The following ZXDC variants were observed in gnomAD, a reference collection of about 807,000 sequenced individuals.
ZXDC encodes the protein zinc finger protein ZXDC.
In ZXDC, 58 loss-of-function variants were observed where a neutral mutation model predicts 63.6. The observed-to-expected ratio is 0.91, with a 90% CI of 0.74 to 1.13. ZXDC has a LOEUF of 1.13. Ranked by LOEUF, ZXDC falls within the 50% of genes most tolerant of loss-of-function variation. The probability of loss-of-function intolerance (pLI) is 0.00; values close to 1 mark genes in which losing one functional copy is unlikely to be tolerated. For missense variants in ZXDC, 1,133 were observed against 1,148.9 expected (o/e 0.99, Z 0.20); for synonymous variants, 561 against 496.1 (o/e 1.13, Z -1.74).
chr3:126,438,713 CCT>C (rs1933557486), intron 9 of ZXDC, among the ~76,000 whole-genome samples: 1 of 152,344 alleles, frequency 6.6e-6, no homozygotes, highest in African/African-American at 2.4e-5. Context: ...TACCCATATG[CCT>C]TTTTACAGAA....
intron 8 of ZXDC, 115 bp downstream of exon 8, chr3:126,441,646 GGGCA>G: frequency 1.4e-6 from 2 of 1,428,810 alleles, no homozygotes; most frequent in South Asian, 1.6e-5. Flanking sequence ...GATGCACGAG[GGGCA>G]GGCAGGCAGG....
At chr3:126,467,224 C>G (rs1934807795) in intron 4 of ZXDC, among the ~76,000 whole-genome samples, 1 of 152,160 alleles carries the variant, frequency 6.6e-6, no homozygotes, top group Non-Finnish European at 1.5e-5. Flanking sequence ...GCCGCAGGAG[C>G]TGCCCAGCCA....
intron 7 of ZXDC, among the ~76,000 whole-genome samples, chr3:126,448,408 G>A (rs139828058): frequency 1.2e-3 from 181 of 152,262 alleles, no homozygotes; most frequent in African/African-American, 4.2e-3. Flanking sequence ...CACAATAGAT[G>A]AGCAACAAGG....
At chr3:126,462,771 C>T (rs1023856021) in intron 5 of ZXDC, among the ~76,000 whole-genome samples, 10 of 152,228 alleles carry the variant, frequency 6.6e-5, no homozygotes, top group East Asian at 3.9e-4. Context: ...ACCCCAAAAC[C>T]GACTGGAGCC....
chr3:126,452,830 C>T (rs553526011), intron 7 of ZXDC, among the ~76,000 whole-genome samples: 98 of 152,144 alleles, frequency 6.4e-4, no homozygotes, highest in African/African-American at 2.3e-3. Flanking sequence ...CCTCCATCTC[C>T]TGGGCTCAAG....
At chr3:126,473,709 G>C (rs1230622465) in intron 1 of ZXDC, among the ~76,000 whole-genome samples, 1 of 152,172 alleles carries the variant, frequency 6.6e-6, no homozygotes, top group Non-Finnish European at 1.5e-5. Flanking sequence ...AATAAAACCC[G>C]TTCATAATTC....
intron 7 of ZXDC, among the ~76,000 whole-genome samples, chr3:126,443,989 T>C (rs1322189710): frequency 9.2e-5 from 14 of 152,222 alleles, no homozygotes; most frequent in Admixed American, 6.5e-4. Flanking sequence ...ATATTACTTC[T>C]TGCTAGAATT....
intron 2 of ZXDC, 34 bp from the exon 3 acceptor site, chr3:126,472,085 TACAACTCCA>T: frequency 6.2e-7 from 1 of 1,609,762 alleles, no homozygotes; most frequent in Non-Finnish European, 8.5e-7. Flanking sequence ...GCATAAAATT[TACAACTCCA>T]ACAGCTACGA....
chr3:126,442,024 G>A lies in ZXDC; in HGVS notation c.2213-78C>T. Reference sequence around the variant, plus strand: ...TCTGCCCTTACCAAGGTCTCACTATGGGGAAGACAGCCTTCCCATTAATTG... The same window carrying A: ...TCTGCCCTTACCAAGGTCTCACTATAGGGAAGACAGCCTTCCCATTAATTG... On this transcript the variant is annotated intron_variant, in intron 7 of 9. Coordinates refer to ENST00000389709, the MANE Select transcript of ZXDC (RefSeq NM_025112.5). The A allele has an allele frequency of 5.0e-6, 7 of 1,410,216 alleles. 1 individual carries two copies. In the South Asian group the frequency reaches 8.4e-5, roughly 17 times the overall value. The allele number at this position is 1,410,216 out of a possible 1,614,324, so 87.4% of individuals were successfully genotyped here.
At chr3:126,441,343 C>T (rs1018252054) in intron 8 of ZXDC, 16 of 1,010,884 alleles carry the variant, frequency 1.6e-5, no homozygotes, top group South Asian at 4.6e-5. Flanking sequence ...ACAAGCAGGC[C>T]GCCCTAGAAA....
intron 7 of ZXDC, chr3:126,454,708 T>G: frequency 1.0e-6 from 1 of 985,472 alleles, no homozygotes; most frequent in Non-Finnish European, 1.2e-6. Flanking sequence ...CCACACTTTC[T>G]TTCCCTTCTC....
At chr3:126,444,971 AAGAT>A (rs1268219291) in intron 7 of ZXDC, among the ~76,000 whole-genome samples, 1 of 152,250 alleles carries the variant, frequency 6.6e-6, no homozygotes, top group Non-Finnish European at 1.5e-5. Flanking sequence ...AACAGGAAAA[AAGAT>A]AGGCTGTAAC....
chr3:126,451,199 A>G (rs900887392), intron 7 of ZXDC: 15 of 985,234 alleles, frequency 1.5e-5, no homozygotes, highest in Non-Finnish European at 1.8e-5. Flanking sequence ...ATCATAATAA[A>G]ACATTCACAA....
chr3:126,458,957 G>A lies in ZXDC; in HGVS notation c.2212+696C>T, dbSNP rs556186312. 48 of 980,546 alleles carry A rather than the reference G, an allele frequency of 4.9e-5. No homozygotes were observed. In the African/African-American group the frequency reaches 8.2e-4, roughly 17 times the overall value. The allele number at this position is 980,546 out of a possible 1,614,324, so 60.7% of individuals were successfully genotyped here. A position where few individuals can be genotyped will look rare whatever the true frequency, so the allele number is the denominator to read the frequency against. On this transcript the variant is annotated intron_variant, in intron 7 of 9. Coordinates refer to ENST00000389709, the MANE Select transcript of ZXDC (RefSeq NM_025112.5). ...TAAATAAGAAGTCATAATACTATTA[G>A]GAATAGAGAGCAAGATATAAAATCA...
chr3:126,468,276 A>G (rs1315989969), intron 4 of ZXDC, among the ~76,000 whole-genome samples: 1 of 152,098 alleles, frequency 6.6e-6, no homozygotes, highest in Non-Finnish European at 1.5e-5. Flanking sequence ...GCCCTCAGAC[A>G]TACTTCTGGT....
rs1934957375 is a variant in ZXDC, at chr3:126,470,974, T to C, written c.1191A>G (p.Lys397=). The C allele has an allele frequency of 2.5e-6, 4 of 1,614,226 alleles. No individual in the cohort carries two copies. The South Asian group carries it at 3.3e-5, about 13-fold the overall frequency. ...RFTCPVEGCG[K]SFTRAEHLKG... Reference sequence around the variant, plus strand: ...TCAGATGCTCTGCTCTGGTGAATGATTTCCCACAGCCCTCGACAGGGCAGG... The same window carrying C: ...TCAGATGCTCTGCTCTGGTGAATGACTTCCCACAGCCCTCGACAGGGCAGG... Residue 397 remains lysine, a synonymous_variant, in exon 4 of 10, where the codon AAA becomes AAG. Coordinates refer to ENST00000389709, the MANE Select transcript of ZXDC (RefSeq NM_025112.5).
chr3:126,459,953 AG>A (rs774614449), intron 6 of ZXDC: 5 of 985,508 alleles, frequency 5.1e-6, no homozygotes, highest in Non-Finnish European at 6.0e-6. Flanking sequence ...TTTCTTATCC[AG>A]AGAAGCAAAG....
intron 2 of ZXDC, 31 bp downstream of exon 2, chr3:126,472,122 T>G (rs1560106258): frequency 6.2e-7 from 1 of 1,609,158 alleles, no homozygotes; most frequent in Non-Finnish European, 8.5e-7. Flanking sequence ...AAATCTTGGG[T>G]CCAAATGCTG....
intron 6 of ZXDC, chr3:126,460,120 G>A (rs1292720366): frequency 9.1e-6 from 9 of 985,268 alleles, no homozygotes; most frequent in African/African-American, 1.7e-5. Context: ...TTTCACACAC[G>A]TGCATGGCAG....
Sources: gnomAD v4.1 joint callset for allele counts (sites outside exome capture counted in the v4.1 genomes callset) on GRCh38, gnomAD v4.1.1 for gene constraint, MANE v1.5 for transcripts, NCBI Gene and HGNC (gene_info 2026-07-23, HGNC 2026-07-21) for gene names.